CLMP: variants seen among roughly 807,000 people sequenced by gnomAD.
CLMP encodes the protein CXADR like cell adhesion molecule, also known as CXADR-like membrane protein.
In CLMP, 27 loss-of-function variants were observed where a neutral mutation model predicts 45.2. That is an observed-to-expected ratio of 0.60 (90% CI 0.44 to 0.82). The LOEUF (loss-of-function observed/expected upper bound fraction) is 0.82, where lower values mean the gene tolerates loss of function less well. Among genes scored for constraint, CLMP ranks in the 40% least tolerant of loss-of-function variants. The probability of loss-of-function intolerance (pLI) is 0.00; values close to 1 mark genes in which losing one functional copy is unlikely to be tolerated. For missense variants in CLMP, 403 were observed against 448.4 expected, an observed-to-expected ratio of 0.90 and a Z score of 0.91; for synonymous variants, 167 against 171.4, an observed-to-expected ratio of 0.97 and a Z score of 0.20.
chr11:123,183,475 C>T (rs1861795732), intron 1 of CLMP, among the ~76,000 whole-genome samples: 1 of 152,058 alleles, frequency 6.6e-6, no homozygotes. Flanking sequence ...AAGTGATTCA[C>T]CTACCTCGGC....
chr11:123,181,617 C>T (rs78456119), intron 1 of CLMP, among the ~76,000 whole-genome samples: 8 of 152,302 alleles, frequency 5.3e-5, no homozygotes, highest in Middle Eastern at 6.8e-3. Context: ...GGGTCTTGTA[C>T]GGCACTATCT....
intron 1 of CLMP, among the ~76,000 whole-genome samples, chr11:123,171,412 T>A (rs1273326303): frequency 2.0e-5 from 3 of 148,816 alleles, no homozygotes; most frequent in Non-Finnish European, 4.4e-5. Flanking sequence ...GGGAGACTAT[T>A]CCCTAAGATT....
chr11:123,083,212 A>C lies in CLMP; in HGVS notation c.557-5T>G, dbSNP rs1591450394. 4 of 1,613,038 alleles carry C rather than the reference A, an allele frequency of 2.5e-6. No individual in the cohort carries two copies. The East Asian group carries it at 8.9e-5, about 36-fold the overall frequency. Reference sequence around the variant, plus strand: ...CTCGTCCAGGGTGGTTGTAGTCTGCACAAGCAGAAAGAATGACTGTAAATC... The same window carrying C: ...CTCGTCCAGGGTGGTTGTAGTCTGCCCAAGCAGAAAGAATGACTGTAAATC... On this transcript the variant is annotated splice_region_variant and splice_polypyrimidine_tract_variant and intron_variant, in intron 4 of 6. Coordinates refer to ENST00000448775, the MANE Select transcript of CLMP (RefSeq NM_024769.5).
At chr11:123,099,819 G>A (rs1336160781) in intron 1 of CLMP, among the ~76,000 whole-genome samples, 2 of 152,152 alleles carry the variant, frequency 1.3e-5, no homozygotes, top group South Asian at 4.1e-4. Context: ...CTTTCTTGCC[G>A]CAGTGAGCAC....
At chr11:123,134,599 G>A (rs1320162248) in intron 1 of CLMP, among the ~76,000 whole-genome samples, 1 of 151,950 alleles carries the variant, frequency 6.6e-6, no homozygotes, top group Non-Finnish European at 1.5e-5. Flanking sequence ...ATCACGTGAG[G>A]TCAGGAGTTC....
chr11:123,085,761 T>C (rs890961834), intron 2 of CLMP, among the ~76,000 whole-genome samples: 4 of 142,334 alleles, frequency 2.8e-5, no homozygotes, highest in African/African-American at 1.1e-4. Flanking sequence ...GCCGAACTAA[T>C]TTTTTATGTT....
Position 123,097,861 on chromosome 11 carries a change from C to G in CLMP, c.120G>C (p.Gly40=). The G allele has an allele frequency of 6.2e-7, 1 of 1,610,596 alleles. No homozygotes were observed. The highest frequency in any genetic ancestry group is 8.5e-7 in the Non-Finnish European group (1 of 1,178,518). The stretch of plus-strand genomic sequence containing the variant: ...TATCCAGAGTGTCTTTTTCTGGAAG[C>G]CCCAGTTGATGGTGGCAGGGCAAAG... The part of the protein sequence containing the change: ...KVTLPCHHQL[G]LPEKDTLDIE... Residue 40 remains glycine, a synonymous_variant, in exon 2 of 7, where the codon GGG becomes GGC. Coordinates refer to ENST00000448775, the MANE Select transcript of CLMP (RefSeq NM_024769.5).
At chr11:123,180,392 C>A (rs1004523971) in intron 1 of CLMP, among the ~76,000 whole-genome samples, 5 of 152,048 alleles carry the variant, frequency 3.3e-5, no homozygotes, top group African/African-American at 1.2e-4. Flanking sequence ...AGAAACGAAG[C>A]CCCAGAGAGC....
chr11:123,191,071 T>C (rs935453842), intron 1 of CLMP, among the ~76,000 whole-genome samples: 6 of 152,228 alleles, frequency 3.9e-5, no homozygotes, highest in Non-Finnish European at 8.8e-5. Flanking sequence ...TTGGCAAATT[T>C]GATGTATACA....
chr11:123,180,628 G>A (rs1861756782), intron 1 of CLMP, among the ~76,000 whole-genome samples: 1 of 151,526 alleles, frequency 6.6e-6, no homozygotes, highest in Non-Finnish European at 1.5e-5. Flanking sequence ...ACACTGATAA[G>A]TGTTAGGGAG....
chr11:123,074,959 G>GTTTT lies in CLMP; in HGVS notation c.680-120_680-117dup, dbSNP rs113357442. ...GAGTATTTGCAGGTTTGTTTGTTTT[G>GTTTT]TTTTTTTTTTTTTGAGACGGAGTTT... On this transcript the variant is annotated intron_variant, in intron 5 of 6. Coordinates refer to ENST00000448775, the MANE Select transcript of CLMP (RefSeq NM_024769.5). 8.5e-5 allele frequency: 80 copies of GTTTT among 944,524 alleles called. No homozygotes were observed. The East Asian group carries it at 9.7e-4, about 11-fold the overall frequency. 58.5% of individuals were successfully genotyped at this position (944,524 alleles called of 1,614,324 possible). A position where few individuals can be genotyped will look rare whatever the true frequency, so the allele number is the denominator to read the frequency against.
intron 5 of CLMP, among the ~76,000 whole-genome samples, chr11:123,082,071 T>C (rs888114720): frequency 1.3e-5 from 2 of 152,184 alleles, no homozygotes; most frequent in African/African-American, 4.8e-5. Flanking sequence ...TTCTTGATTA[T>C]AACACATGTA....
intron 1 of CLMP, among the ~76,000 whole-genome samples, chr11:123,166,013 A>T (rs567875033): frequency 6.6e-6 from 1 of 152,338 alleles, no homozygotes; most frequent in African/African-American, 2.4e-5. Context: ...AAAATTTTAA[A>T]ATTCAACAGG....
At chr11:123,150,201 AACACACACACACAC>A (rs113858165) in intron 1 of CLMP, among the ~76,000 whole-genome samples, 74 of 142,294 alleles carry the variant, frequency 5.2e-4, no homozygotes, top group African/African-American at 1.9e-3. Context: ...ACACACACTA[AACACACACACACAC>A]ACACACACAC....
At chr11:123,104,252 A>G (rs932759571) in intron 1 of CLMP, among the ~76,000 whole-genome samples, 7 of 134,750 alleles carry the variant, frequency 5.2e-5, no homozygotes, top group Admixed American at 1.6e-4. Flanking sequence ...CCACCGAGCT[A>G]TTTTTTTTAG....
chr11:123,143,654 C>T (rs1861197150), intron 1 of CLMP, among the ~76,000 whole-genome samples: 1 of 152,188 alleles, frequency 6.6e-6, no homozygotes, highest in Non-Finnish European at 1.5e-5. Context: ...GGAAGTACGT[C>T]CTCACATCCT....
intron 1 of CLMP, among the ~76,000 whole-genome samples, chr11:123,140,451 T>G (rs1280749931): frequency 6.6e-6 from 1 of 152,088 alleles, no homozygotes; most frequent in Non-Finnish European, 1.5e-5. Context: ...GATCAGTAAG[T>G]CAGAAGATAA....
intron 1 of CLMP, among the ~76,000 whole-genome samples, chr11:123,123,238 TTTTC>T (rs1365959876): frequency 4.0e-5 from 6 of 149,446 alleles, no homozygotes; most frequent in South Asian, 2.1e-4. Context: ...GATTTTTTTC[TTTTC>T]TTTCTTTCTT....
At chr11:123,119,457 G>A (rs1860781991) in intron 1 of CLMP, among the ~76,000 whole-genome samples, 2 of 152,242 alleles carry the variant, frequency 1.3e-5, no homozygotes, top group South Asian at 4.1e-4. Context: ...TGTGCTTACA[G>A]GGGTAACGAA....
Sources: allele counts gnomAD v4.1 joint callset (sites outside exome capture counted in the v4.1 genomes callset), GRCh38; gene constraint gnomAD v4.1.1; transcripts MANE v1.5; gene names NCBI Gene and HGNC (gene_info 2026-07-23, HGNC 2026-07-21).